The following ZFHX4 variants were observed in gnomAD, a reference collection of about 807,000 sequenced individuals.
ZFHX4 encodes the protein zinc finger homeobox 4, also known as zinc finger homeobox protein 4.
ZFHX4 carries 56 observed loss-of-function variants against 267.6 expected under a neutral mutation model. The observed-to-expected ratio is 0.21, with a 90% CI of 0.17 to 0.26. The LOEUF (loss-of-function observed/expected upper bound fraction) is 0.26. Among genes scored for constraint, ZFHX4 ranks in the 10% least tolerant of loss-of-function variants. The pLI is 1.00. For synonymous variants in ZFHX4, 1,778 were observed against 1,665.6 expected (o/e 1.07, Z -1.64); for missense variants, 4,332 against 4,420.0 (o/e 0.98, Z 0.56).
At chr8:76,759,754 A>C (rs986331425) in intron 3 of ZFHX4, among the ~76,000 whole-genome samples, 2 of 152,230 alleles carry the variant, frequency 1.3e-5, no homozygotes, top group African/African-American at 2.4e-5. Context: ...GATGGAAATA[A>C]AAAATAACTT....
intron 3 of ZFHX4, among the ~76,000 whole-genome samples, chr8:76,713,518 C>T (rs974317371): frequency 1.4e-4 from 21 of 152,122 alleles, no homozygotes; most frequent in African/African-American, 4.1e-4. Context: ...TCTTAACCAA[C>T]GCCACCGTCT....
At chr8:76,809,865 G>A (rs6986923) in intron 4 of ZFHX4, among the ~76,000 whole-genome samples, 316 of 152,040 alleles carry the variant, frequency 2.1e-3, no homozygotes, top group African/African-American at 7.2e-3. Context: ...GTTAACTTAC[G>A]GTCTTACGTT....
At chr8:76,755,640 T>C (rs1809741371) in intron 3 of ZFHX4, among the ~76,000 whole-genome samples, 1 of 152,180 alleles carries the variant, frequency 6.6e-6, no homozygotes, top group South Asian at 2.1e-4. Context: ...AACATTCTAT[T>C]AGTAACACCA....
intron 3 of ZFHX4, among the ~76,000 whole-genome samples, chr8:76,756,032 A>G (rs1809751378): frequency 6.6e-6 from 1 of 151,892 alleles, no homozygotes; most frequent in Admixed American, 6.5e-5. Context: ...ACACCAGAAG[A>G]TGTGTCAAAG....
At chr8:76,737,030 C>T (rs1809179614) in intron 3 of ZFHX4, among the ~76,000 whole-genome samples, 1 of 152,090 alleles carries the variant, frequency 6.6e-6, no homozygotes, top group Admixed American at 6.6e-5. Context: ...AGTAAATACA[C>T]AGTTGCTTTC....
At chr8:76,837,771 A>G (rs1414318533) in intron 5 of ZFHX4, among the ~76,000 whole-genome samples, 3 of 152,224 alleles carry the variant, frequency 2.0e-5, no homozygotes, top group Non-Finnish European at 4.4e-5. Context: ...TATACAGATA[A>G]TTTCCACAAA....
At chr8:76,715,473 C>T (rs1307345978) in intron 3 of ZFHX4, among the ~76,000 whole-genome samples, 11 of 113,944 alleles carry the variant, frequency 9.7e-5, no homozygotes, top group Non-Finnish European at 1.7e-4. Flanking sequence ...CAGAACAAGA[C>T]TCCATCTTAA....
At chr8:76,824,493 A>G (rs1212173051) in intron 4 of ZFHX4, among the ~76,000 whole-genome samples, 9 of 152,182 alleles carry the variant, frequency 5.9e-5, no homozygotes, top group Non-Finnish European at 1.0e-4. Context: ...TTTTGCAAGG[A>G]AAAAAACCTA....
intron 4 of ZFHX4, among the ~76,000 whole-genome samples, chr8:76,820,218 A>G (rs1198489975): frequency 2.0e-5 from 3 of 152,164 alleles, no homozygotes; most frequent in Admixed American, 6.5e-5. Flanking sequence ...TAAAAATTCA[A>G]TTTCTTTACC....
At chr8:76,731,779 T>C (rs1809018230) in intron 3 of ZFHX4, among the ~76,000 whole-genome samples, 1 of 151,734 alleles carries the variant, frequency 6.6e-6, no homozygotes, top group African/African-American at 2.4e-5. Flanking sequence ...ACACTGGACT[T>C]ACTAATTTTA....
chr8:76,752,789 C>A (rs79351553), intron 3 of ZFHX4, among the ~76,000 whole-genome samples: 5,854 of 152,228 alleles, frequency 0.038, 128 homozygotes, highest in East Asian at 0.1. Flanking sequence ...ATAATTTTTA[C>A]ATTCACTGGA....
chr8:76,855,102 C>T lies in ZFHX4; in HGVS notation c.8181C>T (p.Tyr2727=), dbSNP rs1812676522. Reference sequence around the variant, plus strand: ...ATGGGGGAGAAAGCCCACAGAAATACATCTATTTTGATTACCCATCTTTGC... The same window carrying T: ...ATGGGGGAGAAAGCCCACAGAAATATATCTATTTTGATTACCCATCTTTGC... The part of the protein sequence containing the change: ...TEDGGESPQK[Y]IYFDYPSLPL... Residue 2727 remains tyrosine, a synonymous_variant, in exon 10 of 11, where the codon TAC becomes TAT. Coordinates refer to ENST00000651372, the MANE Select transcript of ZFHX4 (RefSeq NM_024721.5). 1 of 1,613,814 alleles carries T rather than the reference C, an allele frequency of 6.2e-7. No individual in the cohort carries two copies. The highest frequency in any genetic ancestry group is 8.5e-7 in the Non-Finnish European group (1 of 1,179,794).
Position 76,706,361 on chromosome 8 carries a change from C to G in ZFHX4, c.2273C>G (p.Pro758Arg). ...TSLSGCGTPS[P>R]SKPKQKPTWR... is the part of the protein sequence containing the mutation. ...CTCAGTGGCTGCGGAACACCCTCTC[C>G]GTCCAAACCCAAACAGAAACCCACC... Residue 758 changes from proline (P) to arginine (R), a missense_variant, in exon 2 of 11, where the codon CCG (proline) becomes CGG (arginine). By Grantham distance (103) the Pro-to-Arg change is moderately radical. Coordinates refer to ENST00000651372, the MANE Select transcript of ZFHX4 (RefSeq NM_024721.5). The G allele has an allele frequency of 6.2e-7, 1 of 1,614,028 alleles. No homozygotes were observed. Among genetic ancestry groups the G allele is most frequent in the Non-Finnish European group, 8.5e-7 (1 of 1,179,938 alleles).
At chr8:76,683,199 T>A (rs2131569359) in intron 1 of ZFHX4, 1 of 152,346 alleles carries the variant, frequency 6.6e-6, no homozygotes, top group Non-Finnish European at 1.5e-5. Context: ...ACACCCTCCT[T>A]GTAGGTACCA....
chr8:76,837,680 G>A (rs1240128238), intron 5 of ZFHX4, among the ~76,000 whole-genome samples: 1 of 152,134 alleles, frequency 6.6e-6, no homozygotes, highest in Admixed American at 6.5e-5. Flanking sequence ...TCCAGGCACT[G>A]TTCCAGCTGC....
At chr8:76,711,920 G>A (rs910093068) in intron 3 of ZFHX4, among the ~76,000 whole-genome samples, 1 of 152,174 alleles carries the variant, frequency 6.6e-6, no homozygotes, top group Non-Finnish European at 1.5e-5. Context: ...GCAGGACATA[G>A]AAATACTCTT....
intron 6 of ZFHX4, among the ~76,000 whole-genome samples, chr8:76,846,830 T>G (rs1812376749): frequency 6.6e-6 from 1 of 152,126 alleles, no homozygotes; most frequent in Non-Finnish European, 1.5e-5. Context: ...GAAAGATTTA[T>G]TCTATTACTG....
At chr8:76,685,217 G>C (rs976546456) in intron 1 of ZFHX4, among the ~76,000 whole-genome samples, 1 of 152,200 alleles carries the variant, frequency 6.6e-6, no homozygotes, top group African/African-American at 2.4e-5. Flanking sequence ...ACTTCACCAA[G>C]GGTCGACAAT....
At chr8:76,842,330 G>T (rs7831952) in intron 5 of ZFHX4, among the ~76,000 whole-genome samples, 10,268 of 152,074 alleles carry the variant, frequency 0.068, 1,060 homozygotes, top group African/African-American at 0.22. Flanking sequence ...TTGTTACAAG[G>T]TTCTACTATT....
Sources: allele counts gnomAD v4.1 joint callset (sites outside exome capture counted in the v4.1 genomes callset), GRCh38; gene constraint gnomAD v4.1.1; transcripts MANE v1.5; gene names NCBI Gene and HGNC (gene_info 2026-07-23, HGNC 2026-07-21).